FTCDNL1: variants seen among roughly 807,000 people sequenced by gnomAD.
FTCDNL1 encodes the protein formiminotransferase cyclodeaminase N-terminal like.
In FTCDNL1, 11 loss-of-function variants were observed where a neutral mutation model predicts 5.9. The ratio of observed to expected loss-of-function variants is 1.87; its 90% CI spans 1.18 to 3.10. FTCDNL1 has a LOEUF of 3.10. Ranked by LOEUF, FTCDNL1 falls within the 30% of genes most tolerant of loss-of-function variation. The probability of loss-of-function intolerance (pLI) is 0.00; values close to 1 mark genes in which losing one functional copy is unlikely to be tolerated. For synonymous variants in FTCDNL1, 58 were observed against 24.8 expected (o/e 2.34, Z -3.99); for missense variants, 115 against 65.5 (o/e 1.76, Z -2.61).
At chr2:199,791,178 T>C (rs1336031463) in intron 3 of FTCDNL1, among the ~76,000 whole-genome samples, 3 of 152,160 alleles carry the variant, frequency 2.0e-5, no homozygotes, top group Non-Finnish European at 4.4e-5. Context: ...CCTGCTTTAT[T>C]TTTGTACATG....
At chr2:199,696,356 C>G in the FTCDNL1 span, among the ~76,000 whole-genome samples, 1 of 152,220 alleles carries the variant, frequency 6.6e-6, no homozygotes, top group African/African-American at 2.4e-5. Context: ...CTGCCACCAC[C>G]TCGATGAAGA....
the FTCDNL1 span, among the ~76,000 whole-genome samples, chr2:199,684,449 A>G: frequency 6.6e-6 from 1 of 152,224 alleles, no homozygotes; most frequent in Non-Finnish European, 1.5e-5. Flanking sequence ...ACCCCCAAGT[A>G]TGTAAATAAA....
chr2:199,839,872 G>A (rs939322207), intron 3 of FTCDNL1, among the ~76,000 whole-genome samples: 5 of 152,126 alleles, frequency 3.3e-5, no homozygotes, highest in African/African-American at 7.2e-5. Flanking sequence ...GGCACTTTCC[G>A]ATATGCAAAG....
At chr2:199,829,722 G>A (rs1024584019) in intron 3 of FTCDNL1, among the ~76,000 whole-genome samples, 6 of 152,054 alleles carry the variant, frequency 3.9e-5, no homozygotes, top group South Asian at 2.1e-4. Context: ...TAGGACTACC[G>A]ATATAAATGG....
the FTCDNL1 span, among the ~76,000 whole-genome samples, chr2:199,686,233 A>G: frequency 1.3e-5 from 2 of 152,048 alleles, no homozygotes; most frequent in Admixed American, 6.6e-5. Context: ...GTTATGCACT[A>G]TGATTAAAAT....
chr2:199,676,042 A>T, the FTCDNL1 span, among the ~76,000 whole-genome samples: 2 of 152,224 alleles, frequency 1.3e-5, no homozygotes, highest in African/African-American at 2.4e-5. Context: ...ATGAGCCACC[A>T]CAAGTGGCTT....
At chr2:199,788,020 A>G (rs913153732) in intron 3 of FTCDNL1, among the ~76,000 whole-genome samples, 3 of 152,254 alleles carry the variant, frequency 2.0e-5, no homozygotes, top group Non-Finnish European at 4.4e-5. Flanking sequence ...ATTTAAAATA[A>G]TAACCAAAAC....
At chr2:199,765,556 A>ATATATATATATATTTTTT in intron 3 of FTCDNL1, among the ~76,000 whole-genome samples, 1 of 42,668 alleles carries the variant, frequency 2.3e-5, no homozygotes, top group Non-Finnish European at 4.8e-5. Flanking sequence ...ATATATATAT[A>ATATATATATATATTTTTT]TTTTTTTTTT....
At chr2:199,786,026 T>A (rs541324331) in intron 3 of FTCDNL1, among the ~76,000 whole-genome samples, 2 of 152,306 alleles carry the variant, frequency 1.3e-5, no homozygotes, top group Admixed American at 1.3e-4. Flanking sequence ...TAGAATCTAA[T>A]GCTGCCACTG....
chr2:199,824,919 C>G (rs763913726), intron 3 of FTCDNL1, among the ~76,000 whole-genome samples: 13 of 152,012 alleles, frequency 8.6e-5, no homozygotes, highest in Non-Finnish European at 4.4e-5. Context: ...AGGCAGACTG[C>G]CTGAGCTCAG....
intron 3 of FTCDNL1, among the ~76,000 whole-genome samples, chr2:199,803,050 C>A (rs1700537860): frequency 6.6e-6 from 1 of 151,658 alleles, no homozygotes; most frequent in South Asian, 2.1e-4. Flanking sequence ...AAAAATTAGC[C>A]AGCTGTGGTG....
intron 1 of FTCDNL1, 77 bp from the exon 2 acceptor site, chr2:199,849,046 AC>A (rs2076805734): frequency 1.5e-6 from 1 of 653,084 alleles, no homozygotes; most frequent in African/African-American, 1.8e-5. Context: ...AAAAATCATA[AC>A]TTTTTGGAAA....
chr2:199,825,624 T>C (rs1701983392), intron 3 of FTCDNL1, among the ~76,000 whole-genome samples: 1 of 152,114 alleles, frequency 6.6e-6, no homozygotes, highest in South Asian at 2.1e-4. Flanking sequence ...AGCTGGTTGT[T>C]TAAGGAGCCA....
the FTCDNL1 span, among the ~76,000 whole-genome samples, chr2:199,731,883 G>A: frequency 6.8e-6 from 1 of 147,380 alleles, no homozygotes; most frequent in East Asian, 2.0e-4. Flanking sequence ...GCGAGACTCC[G>A]TCTCAAAAAA....
chr2:199,771,137 G>A (rs73055041), intron 3 of FTCDNL1, among the ~76,000 whole-genome samples: 1 of 152,188 alleles, frequency 6.6e-6, no homozygotes, highest in Admixed American at 6.5e-5. Flanking sequence ...TCATGGATTA[G>A]CCACCTTAGT....
the FTCDNL1 span, among the ~76,000 whole-genome samples, chr2:199,715,319 A>G: frequency 6.6e-6 from 1 of 152,278 alleles, no homozygotes; most frequent in East Asian, 1.9e-4. Context: ...TGTGGCTCCC[A>G]TAATCCCCAT....
At chr2:199,696,675 A>T in the FTCDNL1 span, among the ~76,000 whole-genome samples, 1 of 152,106 alleles carries the variant, frequency 6.6e-6, no homozygotes, top group Non-Finnish European at 1.5e-5. Context: ...AACTTCAAAG[A>T]TTAAAAGAAC....
intron 4 of FTCDNL1, among the ~76,000 whole-genome samples, chr2:199,817,414 A>T (rs1701413342): frequency 6.6e-6 from 1 of 152,236 alleles, no homozygotes; most frequent in Admixed American, 6.5e-5. Context: ...TTGGCATCTT[A>T]ATGTTTTAAC....
chr2:199,681,991 C>T, the FTCDNL1 span, among the ~76,000 whole-genome samples: 1 of 152,040 alleles, frequency 6.6e-6, no homozygotes, highest in Non-Finnish European at 1.5e-5. Flanking sequence ...GGAAAAGCAA[C>T]ACTCTTTCCA....
Sources: gnomAD v4.1 joint callset for allele counts (sites outside exome capture counted in the v4.1 genomes callset) on GRCh38, gnomAD v4.1.1 for gene constraint, MANE v1.5 for transcripts, NCBI Gene and HGNC (gene_info 2026-07-23, HGNC 2026-07-21) for gene names.